Variants in TNIK observed in about 807,000 individuals in gnomAD.
TNIK encodes TRAF2 and NCK interacting kinase, also known as TRAF2 and NCK-interacting protein kinase.
A neutral mutation model predicts 191.3 loss-of-function variants in TNIK; 49 were observed. The observed-to-expected ratio is 0.26, with a 90% CI of 0.20 to 0.32. The LOEUF is 0.32. Ranked by LOEUF, TNIK falls within the 10% of genes least tolerant of loss-of-function variation. The pLI, the probability that TNIK is intolerant of heterozygous loss-of-function variation, is 1.00. For synonymous variants in TNIK, 594 were observed against 600.9 expected, an observed-to-expected ratio of 0.99 and a Z score of 0.17; for missense variants, 1,155 against 1,702.3, an observed-to-expected ratio of 0.68 and a Z score of 5.66.
At chr3:171,412,931 T>C (rs1330267425) in intron 1 of TNIK, among the ~76,000 whole-genome samples, 3 of 152,136 alleles carry the variant, frequency 2.0e-5, no homozygotes, top group African/African-American at 4.8e-5. Context: ...AACACAAGAA[T>C]GGGAAGGAAA....
chr3:171,135,882 G>GC, intron 15 of TNIK, among the ~76,000 whole-genome samples: 1 of 152,270 alleles, frequency 6.6e-6, no homozygotes, highest in South Asian at 2.1e-4. Flanking sequence ...GCAAAGATCT[G>GC]CCCCCAGGAA....
Position 171,410,134 on chromosome 3 carries a change from C to A in TNIK, c.58-40449G>T, listed in dbSNP as rs150007914. 1.0e-3 allele frequency among the ~76,000 whole-genome samples: 154 copies of A among 152,252 alleles called. 2 individuals carry two copies. In the East Asian group the frequency reaches 0.024, roughly 23 times the overall value. ...TTTGATAACATCAAACTACAGAGGT[C>A]CCAGCACCTATCTGTAAAAAGAGAA... On this transcript the variant is annotated intron_variant, in intron 1 of 32. Transcript: ENST00000436636.
In TNIK at chr3:171,138,257, C is replaced by T. The variant is rs61740070; in HGVS notation, c.1542G>A (p.Glu514=). ...CTTTGTAATGGTACAGTGGCTTCTT[C>T]TCCACAGGCCTCTGCTCCTGCCGCT... ...QHQRQEQRPV[E]KKPLYHYKEG... The change falls in exon 15 of 33, where the codon GAG becomes GAA. Residue 514 remains glutamate (E), a synonymous_variant. Transcript: ENST00000436636. The T allele has an allele frequency of 1.2e-6, 2 of 1,613,434 alleles. No individual in the cohort carries two copies. Among genetic ancestry groups the T allele is most frequent in the African/African-American group, 1.3e-5 (1 of 74,880 alleles).
chr3:171,232,665 G>T (rs2173912), intron 2 of TNIK, among the ~76,000 whole-genome samples: 1,889 of 152,226 alleles, frequency 0.012, 16 homozygotes, highest in South Asian at 0.034. Flanking sequence ...AACAAGAAAG[G>T]CATCAAAACA....
At chr3:171,128,341 C>T (rs147031791) in intron 16 of TNIK, among the ~76,000 whole-genome samples, 1,802 of 152,196 alleles carry the variant, frequency 0.012, 32 homozygotes, top group African/African-American at 0.041. Flanking sequence ...TGCCAAAGTC[C>T]CAAGAAAACA....
chr3:171,173,949 C>T (rs139381114), intron 9 of TNIK, among the ~76,000 whole-genome samples: 3 of 152,122 alleles, frequency 2.0e-5, no homozygotes, highest in East Asian at 1.9e-4. Flanking sequence ...GGTGCTTTGC[C>T]GATCACATGA....
In TNIK at chr3:171,128,721, T is replaced by C; in HGVS notation, c.1766A>G (p.Asp589Gly). 1 of 1,611,410 alleles carries C rather than the reference T, an allele frequency of 6.2e-7. No individual in the cohort carries two copies. The highest frequency in any genetic ancestry group is 8.5e-7 in the Non-Finnish European group (1 of 1,178,948). The change falls in exon 16 of 33, where the codon GAT becomes GGT. Residue 589 changes from aspartate (D) to glycine (G), a missense_variant. Coordinates refer to ENST00000436636, the MANE Select transcript of TNIK (RefSeq NM_015028.4). ...AATGGAGGCAGACTGTACCTGGGGA[T>C]CGACTGGTCTGAGCATGGGGGGTGT... Reference protein sequence around the residue: ...ARTPPMLRPVDPQIPHLVAVK... With the variant: ...ARTPPMLRPVGPQIPHLVAVK...
At chr3:171,362,543 T>TA (rs1715135180) in intron 2 of TNIK, among the ~76,000 whole-genome samples, 1 of 152,238 alleles carries the variant, frequency 6.6e-6, no homozygotes, top group South Asian at 2.1e-4. Flanking sequence ...ATGTTTCTTT[T>TA]AGGTCATAAA....
rs551397842 is a variant in TNIK, at chr3:171,309,411, G to T, written c.123+60209C>A. 3.3e-5 allele frequency among the ~76,000 whole-genome samples: 5 copies of T among 152,248 alleles called. No individual in the cohort carries two copies. The South Asian group carries it at 1.0e-3, about 32-fold the overall frequency. ...CAACAGGGCCTACTGGAAAGTGGAGGATGGGAGGAGGGTGAGGATCAAACA... is the reference window on the plus strand; with the variant it reads ...CAACAGGGCCTACTGGAAAGTGGAGTATGGGAGGAGGGTGAGGATCAAACA... On this transcript the variant is annotated intron_variant, in intron 2 of 32. Transcript: ENST00000436636.
chr3:171,140,564 C>A, intron 12 of TNIK, 55 bp from the exon 13 acceptor site: 1 of 1,535,930 alleles, frequency 6.5e-7, no homozygotes, highest in South Asian at 1.1e-5. Flanking sequence ...TGGGGGGTGT[C>A]AGGGAGCCAG....
At chr3:171,380,514 T>C (rs777064446) in intron 1 of TNIK, among the ~76,000 whole-genome samples, 2 of 152,234 alleles carry the variant, frequency 1.3e-5, no homozygotes, top group African/African-American at 2.4e-5. Context: ...TGACACGTTA[T>C]TTGCTTGAAA....
At chr3:171,392,569 C>A (rs1436290372) in intron 1 of TNIK, among the ~76,000 whole-genome samples, 1 of 152,000 alleles carries the variant, frequency 6.6e-6, no homozygotes, top group African/African-American at 2.4e-5. Context: ...CACTTGAGGT[C>A]AGGAGTTCGT....
At chr3:171,346,495 A>T (rs1463273789) in intron 2 of TNIK, among the ~76,000 whole-genome samples, 1 of 152,114 alleles carries the variant, frequency 6.6e-6, no homozygotes, top group Non-Finnish European at 1.5e-5. Context: ...GGTCTGTGCT[A>T]GTTACTGGGA....
intron 29 of TNIK, 123 bp downstream of exon 29, chr3:171,071,100 A>G: frequency 1.7e-6 from 1 of 602,094 alleles, no homozygotes; most frequent in Non-Finnish European, 2.7e-6. Flanking sequence ...GAGTACCTAC[A>G]CTTTTAAAAC....
intron 2 of TNIK, among the ~76,000 whole-genome samples, chr3:171,264,158 T>C (rs562751246): frequency 1.2e-4 from 17 of 143,762 alleles, no homozygotes; most frequent in Admixed American, 3.5e-4. Flanking sequence ...TGGCCTCCCA[T>C]ACTCCTTTGG....
chr3:171,311,641 C>T (rs1754026483), intron 2 of TNIK, among the ~76,000 whole-genome samples: 1 of 152,130 alleles, frequency 6.6e-6, no homozygotes, highest in African/African-American at 2.4e-5. Flanking sequence ...TGAGAACCTT[C>T]CCCCAGAAAA....
At chr3:171,355,837 A>G (rs937017440) in intron 2 of TNIK, among the ~76,000 whole-genome samples, 2 of 152,154 alleles carry the variant, frequency 1.3e-5, no homozygotes, top group Non-Finnish European at 2.9e-5. Context: ...CCTCCTCTAC[A>G]ATACCCAGAA....
intron 2 of TNIK, among the ~76,000 whole-genome samples, chr3:171,256,296 C>T (rs1007779299): frequency 4.6e-5 from 7 of 152,062 alleles, no homozygotes; most frequent in African/African-American, 1.7e-4. Flanking sequence ...ATTCCCAAGG[C>T]CCAGGGCCTA....
At chr3:171,219,051 T>TTATATA (rs1560278604) in intron 3 of TNIK, among the ~76,000 whole-genome samples, 3 of 119,856 alleles carry the variant, frequency 2.5e-5, no homozygotes, top group Admixed American at 9.5e-5. Context: ...AAATTATATT[T>TTATATA]AATATAATAT....
Sources: allele counts gnomAD v4.1 joint callset (sites outside exome capture counted in the v4.1 genomes callset), GRCh38; gene constraint gnomAD v4.1.1; transcripts MANE v1.5; gene names NCBI Gene and HGNC (gene_info 2026-07-23, HGNC 2026-07-21).